EDARADD: variants seen among roughly 807,000 people sequenced by gnomAD.
EDARADD encodes EDAR associated via death domain, also known as ectodysplasin-A receptor-associated adapter protein.
A neutral mutation model predicts 25.6 loss-of-function variants in EDARADD; 20 were observed. That is an observed-to-expected ratio of 0.78 (90% CI 0.55 to 1.14). The LOEUF (loss-of-function observed/expected upper bound fraction) is 1.14, where lower values mean the gene tolerates loss of function less well. EDARADD is among the 50% of genes most tolerant of loss of function. The pLI is 0.00. For synonymous variants in EDARADD, 86 were observed against 94.4 expected, an observed-to-expected ratio of 0.91 and a Z score of 0.52; for missense variants, 225 against 270.1, an observed-to-expected ratio of 0.83 and a Z score of 1.17.
At chr1:236,356,273 G>A (rs577063774) in intron 3 of EDARADD, among the ~76,000 whole-genome samples, 1 of 152,178 alleles carries the variant, frequency 6.6e-6, no homozygotes, top group Non-Finnish European at 1.5e-5. Flanking sequence ...GGGGAGGAAG[G>A]GAGGAGATGA....
At chr1:236,423,913 T>C (rs694715) in intron 3 of EDARADD, among the ~76,000 whole-genome samples, 86,116 of 151,516 alleles carry the variant, frequency 0.57, 26,846 homozygotes, top group Non-Finnish European at 0.7. Context: ...CAAAACCAGC[T>C]GGGACAACAT....
At chr1:236,413,379 G>T (rs575886343) in intron 2 of EDARADD, among the ~76,000 whole-genome samples, 1 of 152,134 alleles carries the variant, frequency 6.6e-6, no homozygotes, top group Non-Finnish European at 1.5e-5. Context: ...CCCAGGAAAG[G>T]CACTTAAAAC....
At chr1:236,368,788 A>G (rs529800943) in intron 3 of EDARADD, among the ~76,000 whole-genome samples, 1 of 152,192 alleles carries the variant, frequency 6.6e-6, no homozygotes, top group African/African-American at 2.4e-5. Flanking sequence ...AGTCTTGTGA[A>G]CTTTACAACT....
intron 3 of EDARADD, among the ~76,000 whole-genome samples, chr1:236,365,054 T>G (rs995501952): frequency 6.6e-6 from 1 of 152,326 alleles, no homozygotes; most frequent in Middle Eastern, 3.4e-3. Flanking sequence ...GAAATTCCCT[T>G]TTATTCCAAG....
At chr1:236,404,609 C>T (rs1056231011) in intron 1 of EDARADD, among the ~76,000 whole-genome samples, 1 of 152,116 alleles carries the variant, frequency 6.6e-6, no homozygotes, top group Non-Finnish European at 1.5e-5. Flanking sequence ...GGCAATATAG[C>T]GAGACCCCGT....
chr1:236,370,512 AGTCTC>A (rs1667162356), intron 3 of EDARADD, among the ~76,000 whole-genome samples: 1 of 152,196 alleles, frequency 6.6e-6, no homozygotes, highest in Admixed American at 6.5e-5. Context: ...TACTCAAATC[AGTCTC>A]CCCCAGCATT....
chr1:236,481,982 G>A lies in EDARADD; in HGVS notation c.266-285G>A, dbSNP rs186485694. Among the ~76,000 whole-genome samples the A allele has an allele frequency of 4.3e-3, 643 of 150,530 alleles. 1 individual carries two copies. The highest frequency in any genetic ancestry group is 9.2e-3 in the African/African-American group (379 of 41,058). On this transcript the variant is annotated intron_variant, in intron 5 of 5. Transcript: ENST00000334232. ...CAAAAAATTAGCCGGGTGCAGTGGCGGGTGCCTATAGTCCCAGCTACTCAG... is the reference window on the plus strand; with the variant it reads ...CAAAAAATTAGCCGGGTGCAGTGGCAGGTGCCTATAGTCCCAGCTACTCAG...
At chr1:236,437,068 G>C (rs189237483) in intron 4 of EDARADD, among the ~76,000 whole-genome samples, 1 of 152,248 alleles carries the variant, frequency 6.6e-6, no homozygotes, top group East Asian at 1.9e-4. Flanking sequence ...AGTCAAGTTT[G>C]GCATTGAAAA....
At chr1:236,474,005 AT>A (rs1198575778) in intron 5 of EDARADD, among the ~76,000 whole-genome samples, 1 of 152,078 alleles carries the variant, frequency 6.6e-6, no homozygotes, top group Non-Finnish European at 1.5e-5. Flanking sequence ...CCCTCATCTC[AT>A]TTAGTCCAAG....
intron 4 of EDARADD, among the ~76,000 whole-genome samples, chr1:236,428,453 G>C (rs1045402278): frequency 2.6e-5 from 4 of 152,086 alleles, no homozygotes; most frequent in African/African-American, 9.7e-5. Flanking sequence ...AACCGCCATC[G>C]TCATCATGGC....
At chr1:236,409,427 C>A (rs1194072615) in intron 2 of EDARADD, among the ~76,000 whole-genome samples, 153 bp downstream of exon 2, 1 of 152,100 alleles carries the variant, frequency 6.6e-6, no homozygotes, top group Non-Finnish European at 1.5e-5. Flanking sequence ...TGGTATTCTA[C>A]GTGATAATAA....
chr1:236,405,878 T>C (rs4659451), intron 1 of EDARADD, among the ~76,000 whole-genome samples: 6,008 of 28,018 alleles, frequency 0.21, 256 homozygotes, highest in South Asian at 0.28. Context: ...TCCTTCCTTC[T>C]TTCTTTCTTT....
At chr1:236,476,975 G>A (rs934981084) in intron 5 of EDARADD, among the ~76,000 whole-genome samples, 8 of 150,228 alleles carry the variant, frequency 5.3e-5, no homozygotes, top group African/African-American at 9.8e-5. Flanking sequence ...CTGGGCCATA[G>A]AGCAAGACCC....
intron 3 of EDARADD, among the ~76,000 whole-genome samples, chr1:236,385,426 AAAAAAT>A (rs71178303): frequency 0.71 from 86,736 of 121,670 alleles, 32,832 homozygotes; most frequent in South Asian, 0.9. Flanking sequence ...AAAAAAAAAA[AAAAAAT>A]GCTCTTCCAG....
intron 4 of EDARADD, among the ~76,000 whole-genome samples, chr1:236,453,019 A>T (rs1481781432): frequency 6.6e-6 from 1 of 152,130 alleles, no homozygotes; most frequent in Non-Finnish European, 1.5e-5. Flanking sequence ...CTCCCACATA[A>T]GGTTGTATCT....
At chr1:236,365,983 C>G (rs1667109070) in intron 3 of EDARADD, among the ~76,000 whole-genome samples, 1 of 152,086 alleles carries the variant, frequency 6.6e-6, no homozygotes, top group African/African-American at 2.4e-5. Context: ...AAAATACATC[C>G]CATATTTCTA....
chr1:236,379,357 G>A lies in EDARADD; in HGVS notation c.-6+28518G>A, dbSNP rs536659681. On this transcript the variant is annotated intron_variant, in intron 3 of 7. Coordinates refer to the EDARADD transcript ENST00000439430. ...TGCACTCCAGCCTGGCTGCCAGAGC[G>A]AGACTCCATCTCAAAAATAAATAAA... Among the ~76,000 whole-genome samples, 21 of 151,878 alleles carry A rather than the reference G, an allele frequency of 1.4e-4. No individual in the cohort carries two copies. The East Asian group carries it at 2.3e-3, about 17-fold the overall frequency.
intron 3 of EDARADD, among the ~76,000 whole-genome samples, chr1:236,380,647 C>T (rs1253224146): frequency 2.0e-5 from 3 of 152,174 alleles, no homozygotes; most frequent in Non-Finnish European, 4.4e-5. Flanking sequence ...TACTTTCTCC[C>T]AACCCTAGTC....
chr1:236,389,945 C>T (rs74860470), upstream of EDARADD, among the ~76,000 whole-genome samples: 9,191 of 152,126 alleles, frequency 0.06, 485 homozygotes, highest in African/African-American at 0.14. Context: ...AGGACGACGA[C>T]GCTGCAGTGA....
Sources: allele counts gnomAD v4.1 joint callset (sites outside exome capture counted in the v4.1 genomes callset), GRCh38; gene constraint gnomAD v4.1.1; transcripts MANE v1.5; gene names NCBI Gene and HGNC (gene_info 2026-07-23, HGNC 2026-07-21).